The following FAM114A1 variants were observed in gnomAD, a reference collection of about 807,000 sequenced individuals.
The protein encoded by FAM114A1 is family with sequence similarity 114 member A1.
A neutral mutation model predicts 64.3 loss-of-function variants in FAM114A1; 62 were observed. The observed-to-expected ratio is 0.96, with a 90% CI of 0.79 to 1.19. The LOEUF (loss-of-function observed/expected upper bound fraction) is 1.19, where lower values mean the gene tolerates loss of function less well. Among genes scored for constraint, FAM114A1 ranks in the 50% most tolerant of loss-of-function variants. FAM114A1 has a pLI of 0.00. For synonymous variants in FAM114A1, 254 were observed against 251.1 expected (o/e 1.01, Z -0.11); for missense variants, 645 against 676.3 (o/e 0.95, Z 0.51).
At chr4:38,928,402 A>G (rs1000629858) in intron 9 of FAM114A1, among the ~76,000 whole-genome samples, 1 of 152,250 alleles carries the variant, frequency 6.6e-6, no homozygotes, top group African/African-American at 2.4e-5. Context: ...GAGAAAAATA[A>G]GATTGTAATC....
intron 4 of FAM114A1, among the ~76,000 whole-genome samples, chr4:38,897,150 G>A (rs1717018691): frequency 1.3e-5 from 2 of 152,320 alleles, no homozygotes; most frequent in South Asian, 2.1e-4. Flanking sequence ...CTGAGACCTG[G>A]TCCTGAATGC....
At chr4:38,920,291 G>A (rs1192023163) in intron 8 of FAM114A1, among the ~76,000 whole-genome samples, 2 of 151,964 alleles carry the variant, frequency 1.3e-5, no homozygotes, top group African/African-American at 2.4e-5. Flanking sequence ...TCTTCACAAT[G>A]GCAGCACACA....
At chr4:38,935,851 T>G (rs534301320) in intron 13 of FAM114A1, 61 bp downstream of exon 13, 1 of 1,210,554 alleles carries the variant, frequency 8.3e-7, no homozygotes, top group African/African-American at 1.5e-5. Flanking sequence ...TGTGAGGAAA[T>G]GTGGAGATGC....
At chr4:38,913,952 T>C (rs893086301) in intron 7 of FAM114A1, among the ~76,000 whole-genome samples, 5 of 151,126 alleles carry the variant, frequency 3.3e-5, no homozygotes, top group African/African-American at 1.2e-4. Flanking sequence ...ACAAAAAAAT[T>C]AGCTGGCTGT....
chr4:38,883,041 G>C (rs532936062), intron 3 of FAM114A1, among the ~76,000 whole-genome samples: 1 of 152,278 alleles, frequency 6.6e-6, no homozygotes, highest in African/African-American at 2.4e-5. Flanking sequence ...ATTGAATTGA[G>C]CCTTCTCCTG....
intron 4 of FAM114A1, among the ~76,000 whole-genome samples, chr4:38,893,912 C>T (rs1345430541): frequency 5.3e-5 from 8 of 152,036 alleles, no homozygotes; most frequent in East Asian, 1.9e-4. Context: ...CCTGTAATCC[C>T]GGCACTTTGG....
At chr4:38,934,108 C>T (rs1199718281) in intron 12 of FAM114A1, among the ~76,000 whole-genome samples, 1 of 152,180 alleles carries the variant, frequency 6.6e-6, no homozygotes, top group African/African-American at 2.4e-5. Flanking sequence ...AGGACAAAGT[C>T]AGGGAAGTTG....
intron 8 of FAM114A1, among the ~76,000 whole-genome samples, chr4:38,917,755 G>C (rs1243187092): frequency 6.6e-6 from 1 of 152,140 alleles, no homozygotes; most frequent in Non-Finnish European, 1.5e-5. Flanking sequence ...GAGCCCCCAA[G>C]GACTTAGTTT....
intron 8 of FAM114A1, among the ~76,000 whole-genome samples, chr4:38,918,233 TAATA>T (rs1719263096): frequency 6.6e-6 from 1 of 151,882 alleles, no homozygotes; most frequent in African/African-American, 2.4e-5. Flanking sequence ...TCAAAAAACA[TAATA>T]AATAAATAAA....
intron 4 of FAM114A1, among the ~76,000 whole-genome samples, chr4:38,905,035 G>T (rs1717850728): frequency 6.6e-6 from 1 of 152,140 alleles, no homozygotes; most frequent in Non-Finnish European, 1.5e-5. Context: ...ACCAGGCAGG[G>T]GTGAAACTGA....
At chr4:38,901,120 G>A (rs1311942395) in intron 4 of FAM114A1, among the ~76,000 whole-genome samples, 4 of 152,146 alleles carry the variant, frequency 2.6e-5, no homozygotes, top group Non-Finnish European at 5.9e-5. Flanking sequence ...CTAAAAGGGA[G>A]AAACTTTCCT....
Position 38,884,931 on chromosome 4 carries a change from A to G in FAM114A1, c.348+6505A>G, listed in dbSNP as rs1209545986. 3.9e-5 allele frequency among the ~76,000 whole-genome samples: 6 copies of G among 152,312 alleles called. No individual in the cohort carries two copies. In the East Asian group the frequency reaches 1.2e-3, roughly 29 times the overall value. ...TAAAACTGGGAGGAGCAGAAAATAT[A>G]CTTAACTATTTACACATCTTGAATA... On this transcript the variant is annotated intron_variant, in intron 3 of 14. Coordinates refer to ENST00000358869, the MANE Select transcript of FAM114A1 (RefSeq NM_138389.4).
In FAM114A1 at chr4:38,881,237, T is replaced by G. The variant is rs150878480; in HGVS notation, c.348+2811T>G. Among the ~76,000 whole-genome samples the G allele has an allele frequency of 1.4e-4, 22 of 152,168 alleles. No homozygotes were observed. In the East Asian group the frequency reaches 4.1e-3, roughly 28 times the overall value. ...AAAATCAGTATGCTTCTACCACATT[T>G]GCCTTAAATGTTTTGGTCAAATGGA... On this transcript the variant is annotated intron_variant, in intron 3 of 14. Coordinates refer to ENST00000358869, the MANE Select transcript of FAM114A1 (RefSeq NM_138389.4).
At chr4:38,875,249 GTA>G (rs1714497324) in intron 2 of FAM114A1, among the ~76,000 whole-genome samples, 1 of 152,052 alleles carries the variant, frequency 6.6e-6, no homozygotes, top group Non-Finnish European at 1.5e-5. Flanking sequence ...CATTGAATCT[GTA>G]CATTGCTTTG....
At position 38,921,290 on chromosome 4, in the gene FAM114A1, G is replaced by A. The variant is rs546628933; in HGVS notation, c.946-1480G>A. ...GTACAAATAATGTTCTGTTTTTTTTGAAACAGGATCTTGCTGGAGTGCAGT... is the reference window on the plus strand; with the variant it reads ...GTACAAATAATGTTCTGTTTTTTTTAAAACAGGATCTTGCTGGAGTGCAGT... On this transcript the variant is annotated intron_variant, in intron 8 of 14. Coordinates refer to ENST00000358869, the MANE Select transcript of FAM114A1 (RefSeq NM_138389.4). Among the ~76,000 whole-genome samples the A allele has an allele frequency of 1.1e-4, 17 of 151,870 alleles. No individual in the cohort carries two copies. In the East Asian group the frequency reaches 2.3e-3, roughly 21 times the overall value.
chr4:38,898,986 A>AAT (rs200054010), intron 4 of FAM114A1, among the ~76,000 whole-genome samples: 1 of 107,472 alleles, frequency 9.3e-6, no homozygotes, highest in Non-Finnish European at 2.3e-5. Flanking sequence ...TTATATATGT[A>AAT]ATATATGTTA....
At chr4:38,916,551 C>T (rs9761781) in intron 8 of FAM114A1, among the ~76,000 whole-genome samples, 28,980 of 152,000 alleles carry the variant, frequency 0.19, 3,462 homozygotes, top group East Asian at 0.54. Context: ...CTCAGCAAAC[C>T]AACACAAGAA....
At chr4:38,933,147 T>G (rs1225721550) in intron 12 of FAM114A1, among the ~76,000 whole-genome samples, 1 of 152,154 alleles carries the variant, frequency 6.6e-6, no homozygotes, top group Non-Finnish European at 1.5e-5. Flanking sequence ...CCACCACGCC[T>G]AGCCAGAAAT....
At chr4:38,940,090 C>A (rs919040411) in intron 13 of FAM114A1, among the ~76,000 whole-genome samples, 1 of 152,016 alleles carries the variant, frequency 6.6e-6, no homozygotes, top group African/African-American at 2.4e-5. Context: ...AGGGTTTCGC[C>A]ATGTTGGCCG....
Sources: gnomAD v4.1 joint callset for allele counts (sites outside exome capture counted in the v4.1 genomes callset) on GRCh38, gnomAD v4.1.1 for gene constraint, MANE v1.5 for transcripts, NCBI Gene and HGNC (gene_info 2026-07-23, HGNC 2026-07-21) for gene names.